The following PDE8B variants were observed in gnomAD, a reference collection of about 807,000 sequenced individuals.
PDE8B encodes phosphodiesterase 8B, also known as high affinity cAMP-specific and IBMX-insensitive 3',5'-cyclic phosphodiesterase 8B.
In PDE8B, 26 loss-of-function variants were observed where a neutral mutation model predicts 101.3. The ratio of observed to expected loss-of-function variants is 0.26; its 90% CI spans 0.19 to 0.36. PDE8B has a LOEUF of 0.36. PDE8B is among the 10% of genes least tolerant of loss of function. PDE8B has a pLI of 1.00. For missense variants in PDE8B, 810 were observed against 1,163.1 expected, an observed-to-expected ratio of 0.70 and a Z score of 4.42; for synonymous variants, 424 against 429.3, an observed-to-expected ratio of 0.99 and a Z score of 0.15.
intron 3 of PDE8B, among the ~76,000 whole-genome samples, chr5:77,325,963 C>T (rs527239420): frequency 2.6e-5 from 4 of 152,060 alleles, no homozygotes; most frequent in Non-Finnish European, 5.9e-5. Flanking sequence ...GAGCTGGGCT[C>T]CCCTGATAAC....
Position 77,407,390 on chromosome 5 carries a change from T to G in PDE8B, c.1298T>G (p.Leu433Arg). 1 of 1,614,016 alleles carries G rather than the reference T, an allele frequency of 6.2e-7. No homozygotes were observed. The highest frequency in any genetic ancestry group is 1.1e-5 in the South Asian group (1 of 91,084). The part of the protein sequence containing the change: ...ISSRGSDAPS[L>R]QNRRYPSMAR... Reference sequence around the variant, plus strand: ...CTTGCCTTCTCTCCAGCACCAAGCCTGCAGAATCGTCGCTATCCGTCCATG... The same window carrying G: ...CTTGCCTTCTCTCCAGCACCAAGCCGGCAGAATCGTCGCTATCCGTCCATG... The change falls in exon 13 of 22, where the codon CTG (leucine) becomes CGG (arginine). Residue 433 changes from leucine (L) to arginine (R), a missense_variant. Leu to Arg is a moderately radical substitution (Grantham distance 102). This residue lies in a region of PDE8B where 75 missense variants were observed against 76.9 expected (regional missense o/e 0.98). Coordinates refer to ENST00000264917, the MANE Select transcript of PDE8B (RefSeq NM_003719.5).
In PDE8B at chr5:77,413,145, C is replaced by A; in HGVS notation, c.1747C>A (p.Arg583=). ...TTATCTGGGCTTAAAGGTCTTCTCT[C>A]GGTTTGGAGTATGTGAATTTTTAAA... is the stretch of plus-strand genomic sequence containing the variant. The part of the protein sequence containing the change: ...LVYLGLKVFS[R]FGVCEFLNCS... The change falls in exon 17 of 22, where the codon CGG becomes AGG. Residue 583 remains arginine, a synonymous_variant. Transcript: ENST00000264917. 1 of 1,614,076 alleles carries A rather than the reference C, an allele frequency of 6.2e-7. No homozygotes were observed. Among genetic ancestry groups the A allele is most frequent in the Non-Finnish European group, 8.5e-7 (1 of 1,179,978 alleles).
chr5:77,425,444 T>G (rs569831220), intron 20 of PDE8B, among the ~76,000 whole-genome samples: 1 of 152,272 alleles, frequency 6.6e-6, no homozygotes, highest in South Asian at 2.1e-4. Flanking sequence ...TCCCAGCTAC[T>G]CAGGAGGCTG....
At chr5:77,277,271 T>C (rs1413799871) in intron 1 of PDE8B, among the ~76,000 whole-genome samples, 2 of 152,252 alleles carry the variant, frequency 1.3e-5, no homozygotes, top group African/African-American at 4.8e-5. Flanking sequence ...TTTATATTAA[T>C]GTAATATGTT....
chr5:77,086,982 C>G, the PDE8B span: 1 of 152,216 alleles, frequency 6.6e-6, no homozygotes, highest in Non-Finnish European at 1.5e-5. Context: ...AGAAGGGCAG[C>G]CCAGCGAAGG....
chr5:77,236,684 A>G (rs1157367607), intron 1 of PDE8B, among the ~76,000 whole-genome samples: 1 of 152,220 alleles, frequency 6.6e-6, no homozygotes, highest in Non-Finnish European at 1.5e-5. Context: ...AGAGTGGTTC[A>G]AAGAGAGAAT....
At chr5:77,135,473 ATTTTTTT>A in the PDE8B span, among the ~76,000 whole-genome samples, 3 of 121,534 alleles carry the variant, frequency 2.5e-5, no homozygotes, top group Admixed American at 8.7e-5. Context: ...AGCCAGAGGA[ATTTTTTT>A]TTTTTTTTTT....
chr5:77,109,009 A>G, the PDE8B span, among the ~76,000 whole-genome samples: 1 of 152,298 alleles, frequency 6.6e-6, no homozygotes, highest in Admixed American at 6.5e-5. Flanking sequence ...TGACCATCCT[A>G]CAAGTCAGAT....
At chr5:77,250,356 T>C (rs1048386811) in intron 1 of PDE8B, among the ~76,000 whole-genome samples, 1 of 152,180 alleles carries the variant, frequency 6.6e-6, no homozygotes, top group African/African-American at 2.4e-5. Context: ...TGGAATCCAG[T>C]TACTCCCTTC....
At chr5:77,425,344 T>C (rs1797813852) in intron 20 of PDE8B, among the ~76,000 whole-genome samples, 1 of 152,190 alleles carries the variant, frequency 6.6e-6, no homozygotes, top group Admixed American at 6.5e-5. Flanking sequence ...GCAGATCATC[T>C]GAGGTCAGGA....
chr5:77,186,785 A>G, the PDE8B span, among the ~76,000 whole-genome samples: 2 of 152,124 alleles, frequency 1.3e-5, no homozygotes, highest in Non-Finnish European at 2.9e-5. Flanking sequence ...ATCTTTGGCA[A>G]CTATGTGCAC....
chr5:77,201,951 G>A, the PDE8B span, among the ~76,000 whole-genome samples: 2 of 152,196 alleles, frequency 1.3e-5, no homozygotes, highest in African/African-American at 4.8e-5. Context: ...TGCAGGTGGT[G>A]CATTCTCTCT....
At chr5:77,308,045 T>C (rs948068567) in intron 1 of PDE8B, among the ~76,000 whole-genome samples, 3 of 152,214 alleles carry the variant, frequency 2.0e-5, no homozygotes, top group African/African-American at 7.2e-5. Flanking sequence ...AGTTGCTGTT[T>C]TATAAATTGG....
the PDE8B span, among the ~76,000 whole-genome samples, chr5:77,174,577 C>T: frequency 6.6e-6 from 1 of 152,124 alleles, no homozygotes; most frequent in Non-Finnish European, 1.5e-5. Flanking sequence ...CTTTCAGGAG[C>T]TCTCCGTTTT....
chr5:77,181,676 A>G, the PDE8B span, among the ~76,000 whole-genome samples: 1 of 152,130 alleles, frequency 6.6e-6, no homozygotes, highest in African/African-American at 2.4e-5. Context: ...AGTGGTGGTT[A>G]TTTGCCCAGG....
At chr5:77,329,259 G>A (rs1194069697) in intron 4 of PDE8B, among the ~76,000 whole-genome samples, 1 of 152,122 alleles carries the variant, frequency 6.6e-6, no homozygotes, top group Admixed American at 6.5e-5. Context: ...TGTATCTTGT[G>A]TAATTGCCTT....
the PDE8B span, among the ~76,000 whole-genome samples, chr5:77,204,253 A>T: frequency 6.6e-6 from 1 of 151,786 alleles, no homozygotes; most frequent in Non-Finnish European, 1.5e-5. Flanking sequence ...TACTAAAAAT[A>T]TAAAAAAATT....
Position 77,210,815 on chromosome 5 carries a change from C to T in PDE8B, c.-111C>T. On this transcript the variant is annotated 5_prime_UTR_variant, in exon 1 of 22. Coordinates refer to ENST00000264917, the MANE Select transcript of PDE8B (RefSeq NM_003719.5). The surrounding 1 kb of genome is among the most constrained non-coding windows in gnomAD (Gnocchi z 4.9). ...AGCGGCGGACACACAGGCCGGGGGG[C>T]GCGCAGTCCGGGCGCCGCCGCGGCC... The T allele has an allele frequency of 1.0e-6, 1 of 984,510 alleles. No homozygotes were observed. Among genetic ancestry groups the T allele is most frequent in the Non-Finnish European group, 1.2e-6 (1 of 831,160 alleles). 61.0% of individuals were successfully genotyped at this position (984,510 alleles called of 1,614,324 possible).
chr5:77,390,917 G>C (rs1312351793), intron 10 of PDE8B, among the ~76,000 whole-genome samples: 1 of 152,154 alleles, frequency 6.6e-6, no homozygotes, highest in Non-Finnish European at 1.5e-5. Context: ...CCTGTTCCAA[G>C]CAATGAGGAT....
Sources: gnomAD v4.1 joint callset for allele counts (sites outside exome capture counted in the v4.1 genomes callset) on GRCh38, gnomAD v4.1.1 for gene constraint, gnomAD v4.1.1 regional missense constraint, Gnocchi (gnomAD v3.1) non-coding constraint, MANE v1.5 for transcripts, NCBI Gene and HGNC (gene_info 2026-07-23, HGNC 2026-07-21) for gene names.